Variants in FRYL observed in about 807,000 individuals in gnomAD.
FRYL encodes the protein FRY like transcription coactivator.
A neutral mutation model predicts 351.2 loss-of-function variants in FRYL; 150 were observed. That is an observed-to-expected ratio of 0.43 (90% confidence interval 0.37 to 0.49). The LOEUF is 0.49. Among genes scored for constraint, FRYL ranks in the 20% least tolerant of loss-of-function variants. The pLI is 0.00. For missense variants in FRYL, 3,036 were observed against 3,619.3 expected, an observed-to-expected ratio of 0.84 and a Z score of 4.13; for synonymous variants, 1,153 against 1,257.1, an observed-to-expected ratio of 0.92 and a Z score of 1.75.
rs1465141241 is a variant in FRYL at position 48,623,069 on chromosome 4, CTA to C, written c.174+55_174+56del. ...TAATATTGAATACATTTGGGCCAGA[CTA>C]TTAGGATGAACACTATTTCCAGGGG... On this transcript the variant is annotated intron_variant, in intron 5 of 63. Transcript: ENST00000358350. 1.3e-5 allele frequency: 14 copies of C among 1,038,562 alleles called. No homozygotes were observed. In the African/African-American group the frequency reaches 2.3e-4, roughly 17 times the overall value. 64.3% of individuals were successfully genotyped at this position (1,038,562 alleles called of 1,614,324 possible).
intron 3 of FRYL, chr4:48,636,927 T>C (rs1754346312): frequency 6.6e-6 from 1 of 152,034 alleles, no homozygotes; most frequent in Non-Finnish European, 1.5e-5. Flanking sequence ...GCTAAACAGA[T>C]CTTTGAAATT....
chr4:48,648,190 G>C (rs1756922215), intron 3 of FRYL, among the ~76,000 whole-genome samples: 1 of 152,010 alleles, frequency 6.6e-6, no homozygotes, highest in African/African-American at 2.4e-5. Flanking sequence ...ATCCTAACTT[G>C]TCTCCTGGCA....
intron 45 of FRYL, 32 bp downstream of exon 45, chr4:48,541,995 T>C: frequency 6.9e-7 from 1 of 1,448,424 alleles, no homozygotes; most frequent in Non-Finnish European, 9.7e-7. Context: ...TCAAGTTCTC[T>C]CTATATTAGG....
chr4:48,567,493 C>A lies in FRYL; in HGVS notation c.2997-73G>T. On this transcript the variant is annotated intron_variant, in intron 27 of 63. Coordinates refer to ENST00000358350, the MANE Select transcript of FRYL (RefSeq NM_015030.2). This position sits in a 1 kb window ranked among gnomAD's most constrained non-coding sequence, Gnocchi z 4.2. The stretch of plus-strand genomic sequence containing the variant: ...ATTTAAATAAAAAATTCTTAATACT[C>A]AAAATCAGAATAATACATGTTAATT... The A allele has an allele frequency of 8.9e-7, 1 of 1,117,916 alleles. No homozygotes were observed. The highest frequency in any genetic ancestry group is 1.7e-5 in the South Asian group (1 of 57,660). 69.2% of individuals were successfully genotyped at this position (1,117,916 alleles called of 1,614,324 possible). A position where few individuals can be genotyped will look rare whatever the true frequency, so the allele number is the denominator to read the frequency against.
intron 4 of FRYL, among the ~76,000 whole-genome samples, 177 bp from the exon 5 acceptor site, chr4:48,623,356 A>G (rs1360700684): frequency 2.0e-5 from 3 of 152,184 alleles, no homozygotes; most frequent in African/African-American, 7.2e-5. Context: ...CACATGGTTA[A>G]TTTAAGTGTG....
At chr4:48,711,545 TAAAC>T (rs1445767566) in intron 1 of FRYL, among the ~76,000 whole-genome samples, 1 of 152,172 alleles carries the variant, frequency 6.6e-6, no homozygotes, top group Non-Finnish European at 1.5e-5. Context: ...CTTGCTTAGG[TAAAC>T]AAAGCAGCCG....
chr4:48,718,711 C>T (rs1359584250), intron 1 of FRYL, among the ~76,000 whole-genome samples: 1 of 151,536 alleles, frequency 6.6e-6, no homozygotes, highest in East Asian at 1.9e-4. Flanking sequence ...AAATTCAAGA[C>T]TGCTAAAGTC....
intron 1 of FRYL, among the ~76,000 whole-genome samples, chr4:48,769,992 G>A (rs1775349714): frequency 6.6e-6 from 1 of 152,104 alleles, no homozygotes; most frequent in Admixed American, 6.6e-5. Flanking sequence ...TGACTGTGGT[G>A]GTGGCAGTTA....
chr4:48,705,572 A>G (rs1254651056), intron 2 of FRYL, among the ~76,000 whole-genome samples: 32 of 149,472 alleles, frequency 2.1e-4, no homozygotes, highest in African/African-American at 7.4e-4. Context: ...AAAAAAAAAC[A>G]AAGTTTCTAG....
chr4:48,762,869 A>G (rs545573722), intron 1 of FRYL, among the ~76,000 whole-genome samples: 3 of 152,308 alleles, frequency 2.0e-5, no homozygotes, highest in East Asian at 3.9e-4. Flanking sequence ...ATCAAACTTT[A>G]ATTATTTTCA....
intron 4 of FRYL, among the ~76,000 whole-genome samples, 158 bp downstream of exon 4, chr4:48,634,133 C>T (rs946428160): frequency 5.3e-5 from 8 of 152,178 alleles, no homozygotes; most frequent in Admixed American, 1.3e-4. Context: ...CCTGCAGCAA[C>T]TTATCAAAGT....
chr4:48,595,583 C>A lies in FRYL; in HGVS notation c.1248+7G>T. On this transcript the variant is annotated splice_region_variant and intron_variant, in intron 15 of 63. Transcript: ENST00000358350. ...TATACATACATACTATGAGATGAAG[C>A]ACTCACCTGAGCAATGAACTGAATA... 6.7e-7 allele frequency: 1 copy of A among 1,498,124 alleles called. No individual in the cohort carries two copies. The highest frequency in any genetic ancestry group is 9.2e-7 in the Non-Finnish European group (1 of 1,081,340). 92.8% of individuals were successfully genotyped at this position (1,498,124 alleles called of 1,614,324 possible).
intron 33 of FRYL, among the ~76,000 whole-genome samples, chr4:48,559,798 C>T (rs772660127): frequency 8.6e-5 from 13 of 151,678 alleles, no homozygotes; most frequent in Non-Finnish European, 1.2e-4. Context: ...GAATACTCAA[C>T]GGTAGAAGAA....
chr4:48,725,897 T>C (rs141050660), intron 1 of FRYL, among the ~76,000 whole-genome samples: 80 of 152,276 alleles, frequency 5.3e-4, no homozygotes, highest in South Asian at 1.7e-3. Context: ...ATAGTATACA[T>C]AGGATTTGGC....
At chr4:48,651,336 TGTG>T (rs1757658888) in intron 3 of FRYL, among the ~76,000 whole-genome samples, 4 of 134,944 alleles carry the variant, frequency 3.0e-5, no homozygotes, top group African/African-American at 1.1e-4. Context: ...TGTGTGTGTG[TGTG>T]TAGTGGTAGA....
At position 48,576,047 on chromosome 4, in the gene FRYL, A is replaced by C; in HGVS notation, c.2704T>G (p.Tyr902Asp). ...AAACTTACTTTAGAATCAATGCTAT[A>C]GCCGCTATCTGGGGTAGACGCCAGC... ...ETLASTPDSG[Y>D]SIDSKIIGIP... The change falls in exon 24 of 64, where the codon TAT (tyrosine) becomes GAT (aspartate). Residue 902 changes from tyrosine (Y) to aspartate (D), a missense_variant. By Grantham distance (160) the Tyr-to-Asp change is radical. Coordinates refer to ENST00000358350, the MANE Select transcript of FRYL (RefSeq NM_015030.2). The C allele has an allele frequency of 1.2e-6, 2 of 1,609,612 alleles. No individual in the cohort carries two copies. Among genetic ancestry groups the C allele is most frequent in the Non-Finnish European group, 1.7e-6 (2 of 1,178,346 alleles).
intron 30 of FRYL, 113 bp downstream of exon 30, chr4:48,564,820 G>A (rs1242035614): frequency 1.8e-6 from 1 of 555,630 alleles, no homozygotes; most frequent in Admixed American, 3.4e-5. Flanking sequence ...TTTTGCATAT[G>A]ATCCTAACCT....
chr4:48,552,556 G>A (rs749648093), intron 36 of FRYL, among the ~76,000 whole-genome samples: 5 of 152,026 alleles, frequency 3.3e-5, no homozygotes, highest in Admixed American at 6.6e-5. Flanking sequence ...TCTGCTGGGA[G>A]AAAACTTTAT....
chr4:48,609,670 A>T (rs535326276), intron 8 of FRYL, 74 bp downstream of exon 8: 1 of 657,082 alleles, frequency 1.5e-6, no homozygotes, highest in Non-Finnish European at 2.6e-6. Context: ...CAAACAAATG[A>T]TCAGTAAGAC....
Sources: gnomAD v4.1 joint callset for allele counts (sites outside exome capture counted in the v4.1 genomes callset) on GRCh38, gnomAD v4.1.1 for gene constraint, Gnocchi (gnomAD v3.1) non-coding constraint, MANE v1.5 for transcripts, NCBI Gene and HGNC (gene_info 2026-07-23, HGNC 2026-07-21) for gene names.